IQSEC2: variants seen among roughly 807,000 people sequenced by gnomAD.
IQSEC2 encodes IQ motif and SEC7 domain-containing protein 2.
In IQSEC2, 6 loss-of-function variants were observed where a neutral mutation model predicts 74.6. The ratio of observed to expected loss-of-function variants is 0.08; its 90% CI spans 0.04 to 0.16. The LOEUF (loss-of-function observed/expected upper bound fraction) is 0.16. IQSEC2 is among the 10% of genes least tolerant of loss of function. The pLI is 1.00. For synonymous variants in IQSEC2, 494 were observed against 544.5 expected (o/e 0.91, Z 1.29); for missense variants, 734 against 1,306.2 (o/e 0.56, Z 6.75).
At chrX:53,261,273 G>A (rs2074564306) in intron 2 of IQSEC2, among the ~76,000 whole-genome samples, 1 of 110,868 alleles carries the variant, frequency 9.0e-6, no homozygotes, top group Non-Finnish European at 1.9e-5. Context: ...AGAGCCTGTT[G>A]TAGAGTAAGA....
In IQSEC2 at chrX:53,243,437, G is replaced by C. The variant is rs781904549; in HGVS notation, c.2784C>G (p.Leu928=). 5.1e-6 allele frequency: 6 copies of C among 1,174,291 alleles called. No individual in the cohort carries two copies. The African/African-American group carries it at 1.1e-4, about 21-fold the overall frequency. ...GGATGCGCTGGTAGATGCCCACCAG[G>C]AGGTCTCGGGGGATGTCTTCACCAT... ...VDNGEDIPRD[L]LVGIYQRIQG... is the part of the protein sequence containing the mutation. Residue 928 remains leucine (L), a synonymous_variant, in exon 9 of 15, where the codon CTC becomes CTG. Coordinates refer to ENST00000642864, the MANE Select transcript of IQSEC2 (RefSeq NM_001111125.3).
At chrX:53,235,552 G>A (rs1165228244) in intron 14 of IQSEC2, among the ~76,000 whole-genome samples, 2 of 111,598 alleles carry the variant, frequency 1.8e-5, no homozygotes, top group South Asian at 3.8e-4. Context: ...CCTACTCGCC[G>A]TCGGCCCTGG....
intron 10 of IQSEC2, chrX:53,239,599 T>C (rs1187121612): frequency 1.5e-5 from 4 of 274,477 alleles, no homozygotes; most frequent in Non-Finnish European, 2.7e-5. Flanking sequence ...GTAAACCCCT[T>C]TTCTGAGCTC....
At chrX:53,262,959 C>A (rs1434607824) in intron 2 of IQSEC2, among the ~76,000 whole-genome samples, 2 of 112,601 alleles carry the variant, frequency 1.8e-5, no homozygotes, top group Admixed American at 1.9e-4. Flanking sequence ...GATGAAGTAA[C>A]CTGCCCAAAG....
intron 2 of IQSEC2, among the ~76,000 whole-genome samples, chrX:53,276,483 T>C (rs1001637574): frequency 4.1e-4 from 46 of 112,609 alleles, no homozygotes; most frequent in Non-Finnish European, 7.5e-4. Context: ...TAGACAATCA[T>C]ACCATCCTCA....
intron 2 of IQSEC2, among the ~76,000 whole-genome samples, chrX:53,261,005 T>C (rs886395832): frequency 1.8e-5 from 2 of 110,593 alleles, no homozygotes; most frequent in Non-Finnish European, 3.8e-5. Context: ...CCCGTTTTGG[T>C]TGCAAAGGGA....
At chrX:53,306,086 G>A (rs978897676) in intron 1 of IQSEC2, among the ~76,000 whole-genome samples, 11 of 112,552 alleles carry the variant, frequency 9.8e-5, no homozygotes, top group Non-Finnish European at 1.9e-4. Context: ...TAGAGGTTCA[G>A]CCATGATGGG....
In IQSEC2 at chrX:53,291,409, A is replaced by T. The variant is rs35440609; in HGVS notation, c.737+486T>A. Among the ~76,000 whole-genome samples, 3 of 111,861 alleles carry T rather than the reference A, an allele frequency of 2.7e-5. No homozygotes were observed. The East Asian group carries it at 8.3e-4, about 31-fold the overall frequency. On this transcript the variant is annotated intron_variant, in intron 2 of 14. Coordinates refer to ENST00000642864, the MANE Select transcript of IQSEC2 (RefSeq NM_001111125.3). ...TTTTTTACCAAGCACACACAAAAAA[A>T]TTTTCCTTGTCGCCATAATGTATAG...
At chrX:53,316,229 T>A (rs1476274243) in intron 1 of IQSEC2, among the ~76,000 whole-genome samples, 2 of 111,937 alleles carry the variant, frequency 1.8e-5, no homozygotes, top group Non-Finnish European at 3.8e-5. Flanking sequence ...ACCCCATTCT[T>A]GCCCCAGATC....
intron 2 of IQSEC2, among the ~76,000 whole-genome samples, chrX:53,291,194 G>A (rs1379246703): frequency 1.8e-5 from 2 of 110,648 alleles, no homozygotes; most frequent in Non-Finnish European, 3.8e-5. Flanking sequence ...TTCTGATGGG[G>A]TAAGGCCTGG....
intron 1 of IQSEC2, among the ~76,000 whole-genome samples, chrX:53,309,097 C>T (rs1433511563): frequency 4.2e-5 from 4 of 95,394 alleles, no homozygotes; most frequent in East Asian, 3.2e-4. Flanking sequence ...GAGCAAGACC[C>T]TGTCTCAAAA....
At chrX:53,252,017 G>A (rs782459679) in intron 4 of IQSEC2, among the ~76,000 whole-genome samples, 5 of 112,515 alleles carry the variant, frequency 4.4e-5, no homozygotes, top group South Asian at 3.7e-4. Context: ...CTATGATCAC[G>A]CCACTACACT....
intron 8 of IQSEC2, among the ~76,000 whole-genome samples, chrX:53,246,382 C>T (rs1391192612): frequency 9.0e-6 from 1 of 111,699 alleles, no homozygotes; most frequent in Non-Finnish European, 1.9e-5. Flanking sequence ...TCACTGTTCA[C>T]TTTCTGTCTT....
chrX:53,257,146 G>T (rs997509521), intron 2 of IQSEC2, among the ~76,000 whole-genome samples: 44 of 111,895 alleles, frequency 3.9e-4, no homozygotes, highest in Non-Finnish European at 3.0e-4. Flanking sequence ...ATTATGGGGG[G>T]CACAAGGTTG....
chrX:53,290,178 A>G (rs146877875), intron 2 of IQSEC2, among the ~76,000 whole-genome samples: 230 of 111,403 alleles, frequency 2.1e-3, no homozygotes, highest in African/African-American at 7.0e-3. Context: ...CAAAACCCAT[A>G]ACCACTGTGA....
intron 2 of IQSEC2, among the ~76,000 whole-genome samples, chrX:53,275,960 C>T (rs2074827508): frequency 9.1e-6 from 1 of 109,901 alleles, no homozygotes; most frequent in East Asian, 2.8e-4. Flanking sequence ...CTCGGCCTCC[C>T]AAAGTGCTGG....
chrX:53,318,596 G>A (rs2075400373), intron 1 of IQSEC2, among the ~76,000 whole-genome samples: 1 of 112,600 alleles, frequency 8.9e-6, no homozygotes, highest in Non-Finnish European at 1.9e-5. Context: ...ACTCCCACCC[G>A]AGCTCCGCTG....
At chrX:53,236,937 T>C (rs1373369380) in intron 12 of IQSEC2, among the ~76,000 whole-genome samples, 2 of 111,287 alleles carry the variant, frequency 1.8e-5, no homozygotes, top group African/African-American at 6.5e-5. Flanking sequence ...CTTTCCAGAG[T>C]TCAGTCAGTT....
At position 53,233,259 on chromosome X, in the gene IQSEC2, A is replaced by G. The variant is rs2074076276; in HGVS notation, c.*960T>C. 1 of 112,478 alleles carries G rather than the reference A, an allele frequency of 8.9e-6. No individual in the cohort carries two copies. The highest frequency in any genetic ancestry group is 9.3e-5 in the Admixed American group (1 of 10,696). The allele number at this position is 112,478 out of a possible 1,213,427, so 9.3% of individuals were successfully genotyped here. A position where few individuals can be genotyped will look rare whatever the true frequency, so the allele number is the denominator to read the frequency against. The stretch of plus-strand genomic sequence containing the variant: ...CCCAACCCCAGCTCTGATGGCTTCA[A>G]TCTCTGCCTCAGGAAGGATATCTTG... On this transcript the variant is annotated 3_prime_UTR_variant, in exon 15 of 15. Coordinates refer to ENST00000642864, the MANE Select transcript of IQSEC2 (RefSeq NM_001111125.3).
Sources: gnomAD v4.1 joint callset for allele counts (sites outside exome capture counted in the v4.1 genomes callset) on GRCh38, gnomAD v4.1.1 for gene constraint, MANE v1.5 for transcripts, NCBI Gene and HGNC (gene_info 2026-07-23, HGNC 2026-07-21) for gene names.